PCDHA1: variants seen among roughly 807,000 people sequenced by gnomAD.
The protein encoded by PCDHA1 is protocadherin alpha 1.
A neutral mutation model predicts 61.3 loss-of-function variants in PCDHA1; 42 were observed. The observed-to-expected ratio is 0.69, with a 90% CI of 0.54 to 0.89. The LOEUF (loss-of-function observed/expected upper bound fraction) is 0.89. PCDHA1 is among the 40% of genes least tolerant of loss of function. PCDHA1 has a pLI of 0.00. For missense variants in PCDHA1, 1,256 were observed against 1,235.3 expected (o/e 1.02, Z -0.25); for synonymous variants, 610 against 553.8 (o/e 1.10, Z -1.43).
chr5:140,797,171 A>G, intron 1 of PCDHA1: 1 of 1,614,088 alleles, frequency 6.2e-7, no homozygotes, highest in Non-Finnish European at 8.5e-7. Context: ...GCGCCAGGAA[A>G]GCCCACGCTG....
intron 1 of PCDHA1, chr5:140,801,285 C>A: frequency 6.2e-7 from 1 of 1,613,574 alleles, no homozygotes; most frequent in Non-Finnish European, 8.5e-7. Flanking sequence ...GGGGAGCGGC[C>A]AGCTCCACTA....
At chr5:140,855,178 G>T (rs1170062889) in intron 1 of PCDHA1, among the ~76,000 whole-genome samples, 1 of 149,594 alleles carries the variant, frequency 6.7e-6, no homozygotes, top group African/African-American at 2.5e-5. Flanking sequence ...AAACAAATGT[G>T]GCCAAATTGA....
intron 3 of PCDHA1, among the ~76,000 whole-genome samples, chr5:140,992,500 A>C (rs1205902091): frequency 6.6e-6 from 1 of 152,222 alleles, no homozygotes; most frequent in Non-Finnish European, 1.5e-5. Context: ...GTAAGGATTC[A>C]ATCCTGGGGC....
At chr5:140,791,031 C>T (rs1291361869) in intron 1 of PCDHA1, among the ~76,000 whole-genome samples, 1 of 152,180 alleles carries the variant, frequency 6.6e-6, no homozygotes, top group Non-Finnish European at 1.5e-5. Context: ...ATATAGTTAA[C>T]ACAACTTTCA....
chr5:140,839,514 C>T (rs2150298432), intron 1 of PCDHA1, among the ~76,000 whole-genome samples: 3 of 152,082 alleles, frequency 2.0e-5, no homozygotes, highest in African/African-American at 7.2e-5. Context: ...CTCAGCCTCT[C>T]AAGTTGCTGG....
At chr5:141,009,205 A>G (rs1325707221) in intron 3 of PCDHA1, among the ~76,000 whole-genome samples, 8 of 152,192 alleles carry the variant, frequency 5.3e-5, no homozygotes, top group Non-Finnish European at 1.2e-4. Flanking sequence ...CTATGATTCC[A>G]ACACTTTGGG....
chr5:140,971,488 A>G (rs17119328), intron 1 of PCDHA1, among the ~76,000 whole-genome samples: 1 of 152,104 alleles, frequency 6.6e-6, no homozygotes, highest in African/African-American at 2.4e-5. Flanking sequence ...ACATTGTTAC[A>G]GTGTGGCAAG....
In PCDHA1 at chr5:140,938,408, G is replaced by A. The variant is rs115039361; in HGVS notation, c.2395-40541G>A. Among the ~76,000 whole-genome samples, 826 of 151,992 alleles carry A rather than the reference G, an allele frequency of 5.4e-3. 3 individuals are homozygous for A. The highest frequency in any genetic ancestry group is 0.019 in the African/African-American group (797 of 41,474). ...TAATATGAAATACATTGTTTGATTG[G>A]GTTTATTTGCAAAAATCCTTTATCA... On this transcript the variant is annotated intron_variant, in intron 1 of 3. Coordinates refer to ENST00000504120, the MANE Select transcript of PCDHA1 (RefSeq NM_018900.4).
At chr5:140,981,584 A>G (rs556917015) in intron 2 of PCDHA1, among the ~76,000 whole-genome samples, 1 of 152,258 alleles carries the variant, frequency 6.6e-6, no homozygotes, top group Non-Finnish European at 1.5e-5. Context: ...AAAAATAAAT[A>G]AAATAAAACA....
At chr5:140,836,531 G>A in intron 1 of PCDHA1, 2 of 1,613,844 alleles carry the variant, frequency 1.2e-6, no homozygotes, top group South Asian at 2.2e-5. Context: ...TTACCCTGCT[G>A]CTGTACACGG....
chr5:140,879,787 T>C (rs1409881516), intron 1 of PCDHA1, among the ~76,000 whole-genome samples: 2 of 152,204 alleles, frequency 1.3e-5, no homozygotes. Flanking sequence ...AATCTGGTTT[T>C]TGTTTCTTCC....
Position 140,849,847 on chromosome 5 carries a change from A to G in PCDHA1, c.2394+61163A>G, listed in dbSNP as rs2150453307. 2.4e-5 allele frequency: 39 copies of G among 1,598,408 alleles called. 5 individuals are homozygous for G. In the South Asian group the frequency reaches 2.8e-4, roughly 11 times the overall value. On this transcript the variant is annotated intron_variant, in intron 1 of 3. Transcript: ENST00000504120. ...GTGGAGGTGGCCGACGTGAACGACA[A>G]CGCACCAGCGTTCGCGCAGTCCGAG...
intron 1 of PCDHA1, among the ~76,000 whole-genome samples, chr5:140,973,304 C>G (rs1252823783): frequency 6.6e-6 from 1 of 152,126 alleles, no homozygotes; most frequent in Non-Finnish European, 1.5e-5. Context: ...TCTGATGACT[C>G]TATCCTGGAA....
intron 1 of PCDHA1, chr5:140,812,457 CT>C (rs1765115164): frequency 2.0e-5 from 3 of 151,976 alleles, no homozygotes; most frequent in Non-Finnish European, 4.4e-5. Flanking sequence ...TTAATTTAAA[CT>C]TTTTTTCATT....
intron 1 of PCDHA1, chr5:140,843,312 C>G: frequency 1.3e-6 from 2 of 1,596,048 alleles, no homozygotes; most frequent in South Asian, 1.1e-5. Context: ...GCCACGGCCA[C>G]GGTTCTGGTG....
intron 1 of PCDHA1, among the ~76,000 whole-genome samples, chr5:140,925,728 TAAATATTTACAGAAAGA>T (rs1554202900): frequency 6.6e-6 from 1 of 151,870 alleles, no homozygotes; most frequent in African/African-American, 2.4e-5. Context: ...TGGTGTTTTC[TAAATATTTACAGAAAGA>T]AAATTTACAG....
At chr5:140,928,099 C>T in intron 1 of PCDHA1, 5 of 1,614,204 alleles carry the variant, frequency 3.1e-6, no homozygotes, top group Non-Finnish European at 4.2e-6. Context: ...TGATGGGCCC[C>T]TGGACCGGGA....
At chr5:140,877,696 T>C (rs1554169994) in intron 1 of PCDHA1, 1 of 1,613,838 alleles carries the variant, frequency 6.2e-7, no homozygotes, top group South Asian at 1.1e-5. Flanking sequence ...GCTGGTGTGC[T>C]CCAGCGCCGT....
At chr5:141,005,520 G>A (rs34458028) in intron 3 of PCDHA1, among the ~76,000 whole-genome samples, 7,602 of 151,238 alleles carry the variant, frequency 0.05, 239 homozygotes, top group South Asian at 0.11. Flanking sequence ...TGGCTAACAC[G>A]GTGAAACCCC....
Sources: gnomAD v4.1 joint callset for allele counts (sites outside exome capture counted in the v4.1 genomes callset) on GRCh38, gnomAD v4.1.1 for gene constraint, MANE v1.5 for transcripts, NCBI Gene and HGNC (gene_info 2026-07-23, HGNC 2026-07-21) for gene names.